The following SMAD5 variants were observed in gnomAD, a reference collection of about 807,000 sequenced individuals.
SMAD5 encodes the protein MAD, mothers against decapentaplegic homolog 5.
In SMAD5, 9 loss-of-function variants were observed where a neutral mutation model predicts 43.1. The ratio of observed to expected loss-of-function variants is 0.21; its 90% confidence interval spans 0.13 to 0.36. The LOEUF (loss-of-function observed/expected upper bound fraction) is 0.36. Ranked by LOEUF, SMAD5 falls within the 10% of genes least tolerant of loss-of-function variation. The pLI is 1.00. For synonymous variants in SMAD5, 190 were observed against 192.4 expected, an observed-to-expected ratio of 0.99 and a Z score of 0.10; for missense variants, 348 against 574.0, an observed-to-expected ratio of 0.61 and a Z score of 4.02.
In SMAD5 at chr5:136,165,662, ATTTTTTTTTTTTTT is replaced by A. The variant is rs58156387; in HGVS notation, c.775+2295_775+2308del. Among the ~76,000 whole-genome samples, 37 of 65,448 alleles carry A rather than the reference ATTTTTTTTTTTTTT, an allele frequency of 5.7e-4. 1 individual carries two copies. The highest frequency in any genetic ancestry group is 9.3e-4 in the African/African-American group (17 of 18,342). The allele number at this position is 65,448 out of a possible 152,430, so 42.9% of individuals were successfully genotyped here. ...TACTTCATATAAATGGAATCATACA[ATTTTTTTTTTTTTT>A]TTTTTTTTTTTTTTTTTTTTTTTGT... On this transcript the variant is annotated intron_variant, in intron 5 of 7. Coordinates refer to ENST00000545279, the MANE Select transcript of SMAD5 (RefSeq NM_005903.7).
chr5:136,173,671 A>G (rs150170432), intron 6 of SMAD5, among the ~76,000 whole-genome samples: 2 of 152,086 alleles, frequency 1.3e-5, no homozygotes, highest in East Asian at 1.9e-4. Context: ...TCCCCAGCAT[A>G]TAGTTCTAGG....
At chr5:136,141,930 A>T (rs1753094080) in intron 1 of SMAD5, among the ~76,000 whole-genome samples, 1 of 151,440 alleles carries the variant, frequency 6.6e-6, no homozygotes, top group African/African-American at 2.5e-5. Context: ...TGGCTGAGGT[A>T]TAGCTGCACT....
At chr5:136,160,617 T>C (rs1753791086) in intron 3 of SMAD5, among the ~76,000 whole-genome samples, 1 of 152,146 alleles carries the variant, frequency 6.6e-6, no homozygotes, top group African/African-American at 2.4e-5. Flanking sequence ...ACAGGAGTGG[T>C]ATCTTTCTCT....
chr5:136,141,050 G>A lies in SMAD5; in HGVS notation c.-244-6782G>A, dbSNP rs181401709. Among the ~76,000 whole-genome samples, 840 of 151,974 alleles carry A rather than the reference G, an allele frequency of 5.5e-3. 4 individuals carry two copies. The highest frequency in any genetic ancestry group is 9.1e-3 in the Non-Finnish European group (616 of 67,976). The stretch of plus-strand genomic sequence containing the variant: ...AACATAGTATTGGATTAGAGATTAG[G>A]GAAACTCTATATAGGATTATGGGGT... On this transcript the variant is annotated intron_variant, in intron 1 of 7. Coordinates refer to ENST00000545279, the MANE Select transcript of SMAD5 (RefSeq NM_005903.7).
intron 1 of SMAD5, among the ~76,000 whole-genome samples, chr5:136,143,817 G>A (rs1464700826): frequency 1.3e-5 from 2 of 151,850 alleles, no homozygotes; most frequent in Non-Finnish European, 2.9e-5. Context: ...GTCCAAACCA[G>A]CTGTTTTTTT....
intron 1 of SMAD5, among the ~76,000 whole-genome samples, chr5:136,137,924 T>C (rs1203736957): frequency 2.0e-5 from 3 of 152,192 alleles, no homozygotes; most frequent in African/African-American, 4.8e-5. Context: ...ACAGGTTAGC[T>C]CTTTGTGCTC....
chr5:136,172,677 A>G (rs1460276766), intron 6 of SMAD5, 22 bp downstream of exon 6: 3 of 1,414,190 alleles, frequency 2.1e-6, no homozygotes, highest in South Asian at 2.3e-5. Flanking sequence ...ATTTTCCTAC[A>G]TTTAATCGAA....
chr5:136,133,997 C>T (rs1341253459), intron 1 of SMAD5: 3 of 121,482 alleles, frequency 2.5e-5, no homozygotes, highest in African/African-American at 1.0e-4. Context: ...AGATGTTTAT[C>T]TTGATTGTAA....
intron 1 of SMAD5, among the ~76,000 whole-genome samples, chr5:136,139,184 A>ATG (rs986808413): frequency 6.9e-6 from 1 of 144,478 alleles, no homozygotes; most frequent in Non-Finnish European, 1.5e-5. Context: ...TTCTGTATGT[A>ATG]TGTGTGTCTC....
chr5:136,150,262 A>G (rs1326217055), intron 2 of SMAD5, among the ~76,000 whole-genome samples: 5 of 151,678 alleles, frequency 3.3e-5, no homozygotes, highest in Admixed American at 3.3e-4. Context: ...GTTTACCACC[A>G]TTTCTACTGA....
In SMAD5 at chr5:136,154,102, T is replaced by C. The variant is rs1753555310; in HGVS notation, c.342T>C (p.Phe114=). The C allele has an allele frequency of 6.3e-7, 1 of 1,592,442 alleles. No individual in the cohort carries two copies. The highest frequency in any genetic ancestry group is 8.6e-7 in the Non-Finnish European group (1 of 1,168,840). Residue 114 remains phenylalanine, a synonymous_variant, in exon 3 of 8, where the codon TTT becomes TTC. Transcript: ENST00000545279. ...LKPLDICEFP[F]GSKQKEVCIN... is the part of the protein sequence containing the mutation. ...CGTTGGATATTTGTGAATTTCCTTTTGGATCTAAGCAAAAAGAAGTTTGTA... is the reference window on the plus strand; with the variant it reads ...CGTTGGATATTTGTGAATTTCCTTTCGGATCTAAGCAAAAAGAAGTTTGTA...
intron 7 of SMAD5, among the ~76,000 whole-genome samples, chr5:136,175,541 T>G (rs934488811): frequency 2.0e-5 from 3 of 152,214 alleles, no homozygotes; most frequent in African/African-American, 7.2e-5. Context: ...CCTGACTGTA[T>G]TGACATTCCA....
rs528651844 is a variant in SMAD5, at chr5:136,175,601, A to T, written c.1254+969A>T. On this transcript the variant is annotated intron_variant, in intron 7 of 7. Coordinates refer to ENST00000545279, the MANE Select transcript of SMAD5 (RefSeq NM_005903.7). Reference sequence around the variant, plus strand: ...AGAATTTTAGTCATGTATTTAAGCAATCTGTACTGTATCTACATATTTAAG... The same window carrying T: ...AGAATTTTAGTCATGTATTTAAGCATTCTGTACTGTATCTACATATTTAAG... Among the ~76,000 whole-genome samples the T allele has an allele frequency of 1.3e-4, 20 of 152,334 alleles. No individual in the cohort carries two copies. The East Asian group carries it at 3.9e-3, about 29-fold the overall frequency.
At chr5:136,153,242 G>C (rs1442946359) in intron 2 of SMAD5, among the ~76,000 whole-genome samples, 1 of 152,098 alleles carries the variant, frequency 6.6e-6, no homozygotes, top group East Asian at 1.9e-4. Context: ...CATGTAACAT[G>C]GATTTCAGTG....
chr5:136,158,913 G>A (rs1181748277), intron 3 of SMAD5, among the ~76,000 whole-genome samples: 1 of 151,316 alleles, frequency 6.6e-6, no homozygotes, highest in Admixed American at 6.6e-5. Flanking sequence ...AAAAAAAGAT[G>A]GAAGATCCAA....
Position 136,147,786 on chromosome 5 carries a change from A to G in SMAD5, c.-244-46A>G, listed in dbSNP as rs550504799. The G allele has an allele frequency of 2.0e-5, 3 of 151,610 alleles. No homozygotes were observed. The South Asian group carries it at 6.2e-4, about 31-fold the overall frequency. 9.4% of individuals were successfully genotyped at this position (151,610 alleles called of 1,614,324 possible). On this transcript the variant is annotated intron_variant, in intron 1 of 7. Transcript: ENST00000545279. ...GGTTTATTATTATTACCATTATCAA[A>G]GGAGTATTATGATTCCTTTGCTTAA... is the stretch of plus-strand genomic sequence containing the variant.
At chr5:136,143,393 GTCT>G (rs1365406640) in intron 1 of SMAD5, among the ~76,000 whole-genome samples, 2 of 150,506 alleles carry the variant, frequency 1.3e-5, no homozygotes, top group Non-Finnish European at 3.0e-5. Flanking sequence ...TGGAATTTTT[GTCT>G]TCTTGAAATA....
intron 7 of SMAD5, among the ~76,000 whole-genome samples, chr5:136,176,596 G>C (rs1181768606): frequency 6.7e-6 from 1 of 150,238 alleles, no homozygotes. Context: ...ACATTTTTTA[G>C]TGGTTTCTCC....
chr5:136,148,694 T>G (rs1753350521), intron 2 of SMAD5, among the ~76,000 whole-genome samples: 1 of 151,772 alleles, frequency 6.6e-6, no homozygotes. Context: ...AGTAACAGAC[T>G]AACTTGTAAG....
Sources: gnomAD v4.1 joint callset for allele counts (sites outside exome capture counted in the v4.1 genomes callset) on GRCh38, gnomAD v4.1.1 for gene constraint, MANE v1.5 for transcripts, NCBI Gene and HGNC (gene_info 2026-07-23, HGNC 2026-07-21) for gene names.